Variants in IQCM observed in about 807,000 individuals in gnomAD.
IQCM encodes the protein IQ motif containing M.
A neutral mutation model predicts 57.6 loss-of-function variants in IQCM; 45 were observed. The ratio of observed to expected loss-of-function variants is 0.78; its 90% CI spans 0.62 to 1.00. IQCM has a LOEUF of 1.00. Among genes scored for constraint, IQCM ranks in the 50% least tolerant of loss-of-function variants. IQCM has a pLI of 0.00. For synonymous variants in IQCM, 148 were observed against 158.9 expected (o/e 0.93, Z 0.51); for missense variants, 468 against 511.6 (o/e 0.91, Z 0.82).
chr4:149,636,560 G>A (rs1206633172), intron 7 of IQCM, among the ~76,000 whole-genome samples: 4 of 152,008 alleles, frequency 2.6e-5, no homozygotes, highest in African/African-American at 4.8e-5. Context: ...TGCTGAGAAG[G>A]ACCAGAAAAG....
intron 10 of IQCM, among the ~76,000 whole-genome samples, chr4:149,556,357 A>AC (rs1019543822): frequency 3.3e-5 from 5 of 150,798 alleles, no homozygotes; most frequent in Non-Finnish European, 5.9e-5. Flanking sequence ...CCATCACATG[A>AC]CCCTTAGTAG....
At chr4:149,415,643 CA>C (rs1459262629) in intron 13 of IQCM, among the ~76,000 whole-genome samples, 3 of 151,900 alleles carry the variant, frequency 2.0e-5, no homozygotes, top group African/African-American at 7.3e-5. Context: ...TCATAAATTG[CA>C]ACCAAAATTG....
At chr4:149,737,477 C>T (rs528449029) in intron 3 of IQCM, 56 of 152,040 alleles carry the variant, frequency 3.7e-4, no homozygotes, top group African/African-American at 1.2e-3. Flanking sequence ...GGCATTGATT[C>T]GAAATTCTTT....
intron 12 of IQCM, among the ~76,000 whole-genome samples, chr4:149,476,612 A>C (rs1448093442): frequency 6.6e-6 from 1 of 152,186 alleles, no homozygotes; most frequent in Non-Finnish European, 1.5e-5. Flanking sequence ...TAAACTGGAA[A>C]AAAAAACCAT....
intron 12 of IQCM, among the ~76,000 whole-genome samples, chr4:149,547,458 G>A (rs1388636750): frequency 6.6e-6 from 1 of 152,192 alleles, no homozygotes; most frequent in African/African-American, 2.4e-5. Flanking sequence ...TAAAAGCATA[G>A]AGTTGGATGG....
chr4:149,481,696 G>GTTTTGTTTTTTTTTTTTTGTTT, intron 12 of IQCM, among the ~76,000 whole-genome samples: 1 of 33,614 alleles, frequency 3.0e-5, no homozygotes, highest in South Asian at 1.4e-3. Context: ...GATTCTTCCA[G>GTTTTGTTTTTTTTTTTTTGTTT]TTTTGTTTTT....
At chr4:149,444,921 T>G (rs1736342576) in intron 12 of IQCM, among the ~76,000 whole-genome samples, 1 of 151,892 alleles carries the variant, frequency 6.6e-6, no homozygotes, top group South Asian at 2.1e-4. Context: ...TGACTTTGAC[T>G]ACATTAAAAC....
intron 12 of IQCM, among the ~76,000 whole-genome samples, chr4:149,544,042 G>C (rs1010549817): frequency 1.3e-4 from 20 of 151,992 alleles, no homozygotes; most frequent in African/African-American, 4.6e-4. Flanking sequence ...ATACAATGAA[G>C]CATCCATCTT....
chr4:149,414,259 T>C (rs1463261015), intron 13 of IQCM, among the ~76,000 whole-genome samples: 1 of 152,184 alleles, frequency 6.6e-6, no homozygotes, highest in African/African-American at 2.4e-5. Flanking sequence ...AGAGCTCCAA[T>C]ACATTCTGAA....
intron 13 of IQCM, among the ~76,000 whole-genome samples, chr4:149,362,109 C>T (rs35922722): frequency 0.28 from 42,864 of 151,938 alleles, 6,196 homozygotes; most frequent in Middle Eastern, 0.33. Context: ...CTTGCATGGG[C>T]CCTGTTACTC....
chr4:149,741,156 G>A lies in IQCM; in HGVS notation c.37+1499C>T, dbSNP rs147895866. 1.3e-3 allele frequency among the ~76,000 whole-genome samples: 196 copies of A among 151,996 alleles called. 4 individuals carry two copies. In the East Asian group the frequency reaches 0.035, roughly 27 times the overall value. On this transcript the variant is annotated intron_variant, in intron 3 of 13. Transcript: ENST00000636793. ...AAACACATATTCAACATTTTTTTCC[G>A]TAATACATTCTGCATTAAGACTCAA... is the stretch of plus-strand genomic sequence containing the variant.
At chr4:149,642,007 A>C (rs1434334334) in intron 7 of IQCM, among the ~76,000 whole-genome samples, 2 of 152,176 alleles carry the variant, frequency 1.3e-5, no homozygotes, top group African/African-American at 2.4e-5. Flanking sequence ...CTGTGGACAA[A>C]GTTAAATCCT....
chr4:149,596,019 C>G (rs1217468315), intron 8 of IQCM, among the ~76,000 whole-genome samples: 1 of 152,122 alleles, frequency 6.6e-6, no homozygotes, highest in Non-Finnish European at 1.5e-5. Flanking sequence ...ATACATGTTG[C>G]TTATCTACCA....
intron 12 of IQCM, among the ~76,000 whole-genome samples, chr4:149,458,386 T>C (rs1737924548): frequency 6.6e-6 from 1 of 152,008 alleles, no homozygotes; most frequent in South Asian, 2.1e-4. Flanking sequence ...GATTTATTTT[T>C]TAAAAAGTAC....
At position 149,558,571 on chromosome 4, in the gene IQCM, T is replaced by C. The variant is rs367811414; in HGVS notation, c.948+5121A>G. Among the ~76,000 whole-genome samples the C allele has an allele frequency of 1.6e-3, 239 of 152,254 alleles. 1 individual carries two copies. The highest frequency in any genetic ancestry group is 5.5e-3 in the African/African-American group (228 of 41,546). Reference sequence around the variant, plus strand: ...ATATGTTAGGTGGTAGTAAGTGCCATGAAGAACAATAAAGTGTTTTAAAAG... The same window carrying C: ...ATATGTTAGGTGGTAGTAAGTGCCACGAAGAACAATAAAGTGTTTTAAAAG... On this transcript the variant is annotated intron_variant, in intron 10 of 13. Transcript: ENST00000636793.
chr4:149,400,233 T>C (rs1372342688), intron 13 of IQCM, among the ~76,000 whole-genome samples: 1 of 151,992 alleles, frequency 6.6e-6, no homozygotes, highest in African/African-American at 2.4e-5. Flanking sequence ...TTTTTGTTTT[T>C]TCTTTTTGCT....
chr4:149,645,585 C>G (rs899056349), intron 7 of IQCM, among the ~76,000 whole-genome samples: 1 of 152,192 alleles, frequency 6.6e-6, no homozygotes, highest in African/African-American at 2.4e-5. Context: ...TGTGAGACAG[C>G]TGTCCAATTT....
intron 12 of IQCM, among the ~76,000 whole-genome samples, chr4:149,436,564 T>G (rs17488863): frequency 6.6e-6 from 1 of 151,876 alleles, no homozygotes; most frequent in East Asian, 1.9e-4. Context: ...CATAATTGCA[T>G]TGTTAACTAA....
intron 13 of IQCM, among the ~76,000 whole-genome samples, chr4:149,404,710 G>T (rs1732858860): frequency 6.6e-6 from 1 of 151,974 alleles, no homozygotes; most frequent in Non-Finnish European, 1.5e-5. Context: ...GACAGCGTTT[G>T]GAGTCTATAA....
Sources: allele counts gnomAD v4.1 joint callset (sites outside exome capture counted in the v4.1 genomes callset), GRCh38; gene constraint gnomAD v4.1.1; transcripts MANE v1.5; gene names NCBI Gene and HGNC (gene_info 2026-07-23, HGNC 2026-07-21).